Variants in GPC5 observed in about 807,000 individuals in gnomAD.
GPC5 encodes the protein glypican-5.
Under a neutral mutation model 53.9 loss-of-function variants are expected in GPC5, and 47 were observed. The observed-to-expected ratio is 0.87, with a 90% CI of 0.69 to 1.11. The LOEUF is 1.11. Among genes scored for constraint, GPC5 ranks in the 50% most tolerant of loss-of-function variants. GPC5 has a pLI of 0.00. For missense variants in GPC5, 748 were observed against 713.1 expected (o/e 1.05, Z -0.56); for synonymous variants, 286 against 263.3 (o/e 1.09, Z -0.84).
chr13:92,189,766 A>G (rs1434536174), intron 7 of GPC5, among the ~76,000 whole-genome samples: 1 of 152,204 alleles, frequency 6.6e-6, no homozygotes. Flanking sequence ...AGAGAGGTAG[A>G]AATTCCAGGA....
intron 7 of GPC5, among the ~76,000 whole-genome samples, chr13:92,716,348 G>A (rs1003894859): frequency 1.3e-5 from 2 of 151,882 alleles, no homozygotes; most frequent in Non-Finnish European, 2.9e-5. Context: ...TAATTTTGCT[G>A]TCTGAATATC....
chr13:92,382,349 C>A (rs919708711), intron 7 of GPC5, among the ~76,000 whole-genome samples: 1 of 151,958 alleles, frequency 6.6e-6, no homozygotes, highest in African/African-American at 2.4e-5. Context: ...CACCTGTACC[C>A]CCAATAACTT....
At chr13:92,610,361 A>G (rs1430657520) in intron 7 of GPC5, among the ~76,000 whole-genome samples, 1 of 152,188 alleles carries the variant, frequency 6.6e-6, no homozygotes, top group East Asian at 1.9e-4. Flanking sequence ...TCCTAATGAC[A>G]TATTGATAAT....
chr13:91,706,301 A>C (rs992524431), intron 3 of GPC5, among the ~76,000 whole-genome samples: 1 of 152,064 alleles, frequency 6.6e-6, no homozygotes, highest in African/African-American at 2.4e-5. Flanking sequence ...TTTTTGCCCC[A>C]TAGAGTTATA....
chr13:91,426,553 C>T (rs1021256582), intron 1 of GPC5, among the ~76,000 whole-genome samples: 2 of 152,170 alleles, frequency 1.3e-5, no homozygotes, highest in Non-Finnish European at 2.9e-5. Context: ...AACAGTGCAG[C>T]CTTCAGTCTG....
intron 6 of GPC5, among the ~76,000 whole-genome samples, chr13:92,042,812 A>C (rs1594740527): frequency 1.3e-5 from 2 of 149,196 alleles, no homozygotes; most frequent in Middle Eastern, 3.4e-3. Flanking sequence ...GCTAATTATG[A>C]ATATGTTCAA....
chr13:91,972,127 T>A (rs2040248725), intron 6 of GPC5, among the ~76,000 whole-genome samples: 2 of 152,196 alleles, frequency 1.3e-5, no homozygotes, highest in African/African-American at 4.8e-5. Context: ...CACTAAGGAC[T>A]TGCTTTATGA....
intron 7 of GPC5, among the ~76,000 whole-genome samples, chr13:92,434,827 A>G (rs1877236511): frequency 6.6e-6 from 1 of 152,170 alleles, no homozygotes; most frequent in Admixed American, 6.6e-5. Context: ...AGAGGAACCT[A>G]TCGTATTATC....
intron 7 of GPC5, among the ~76,000 whole-genome samples, chr13:92,773,334 G>C (rs1332316472): frequency 1.3e-5 from 2 of 152,098 alleles, no homozygotes; most frequent in Admixed American, 1.3e-4. Flanking sequence ...TGAGAAATGA[G>C]TATGTATTAC....
At chr13:91,656,373 G>T (rs2034845478) in intron 2 of GPC5, among the ~76,000 whole-genome samples, 1 of 152,142 alleles carries the variant, frequency 6.6e-6, no homozygotes, top group Non-Finnish European at 1.5e-5. Context: ...TATCCATCAT[G>T]AGAATGGAAA....
chr13:92,410,029 T>C (rs1875972298), intron 7 of GPC5, among the ~76,000 whole-genome samples: 1 of 152,252 alleles, frequency 6.6e-6, no homozygotes, highest in Non-Finnish European at 1.5e-5. Context: ...CCCAGTTATC[T>C]TGATATATTT....
At chr13:91,557,157 A>G in intron 2 of GPC5, among the ~76,000 whole-genome samples, 1 of 151,960 alleles carries the variant, frequency 6.6e-6, no homozygotes, top group East Asian at 1.9e-4. Context: ...TGCACCATTT[A>G]CCTTCTTGCC....
chr13:92,431,394 T>TC (rs1456377838), intron 7 of GPC5, among the ~76,000 whole-genome samples: 116 of 151,274 alleles, frequency 7.7e-4, no homozygotes, highest in Admixed American at 3.5e-3. Context: ...ACACAGCTTT[T>TC]TTTTTTTTTT....
At chr13:91,953,315 G>A (rs1324340178) in intron 6 of GPC5, among the ~76,000 whole-genome samples, 3 of 152,116 alleles carry the variant, frequency 2.0e-5, no homozygotes, top group African/African-American at 7.2e-5. Context: ...TTGCTTCTTG[G>A]TAAGCCTGAG....
intron 7 of GPC5, among the ~76,000 whole-genome samples, chr13:92,308,023 T>C (rs1244161264): frequency 6.6e-6 from 1 of 152,196 alleles, no homozygotes; most frequent in African/African-American, 2.4e-5. Context: ...TCTTATTGAA[T>C]TAAACATGCT....
intron 7 of GPC5, among the ~76,000 whole-genome samples, chr13:92,610,865 C>T (rs574116877): frequency 6.6e-6 from 1 of 151,768 alleles, no homozygotes; most frequent in East Asian, 1.9e-4. Flanking sequence ...ATTACCTCCA[C>T]CTGGTCTCTC....
intron 4 of GPC5, among the ~76,000 whole-genome samples, chr13:91,754,503 A>T (rs937102539): frequency 1.3e-5 from 2 of 152,126 alleles, no homozygotes; most frequent in Non-Finnish European, 2.9e-5. Flanking sequence ...GTCCATAAAA[A>T]TATTTACAAT....
intron 6 of GPC5, among the ~76,000 whole-genome samples, chr13:92,083,053 C>T (rs922417029): frequency 2.0e-5 from 3 of 152,108 alleles, no homozygotes; most frequent in Non-Finnish European, 2.9e-5. Context: ...GTTCACATCA[C>T]GGAGATGCTT....
intron 7 of GPC5, among the ~76,000 whole-genome samples, chr13:92,227,322 C>T (rs1278386369): frequency 6.6e-6 from 1 of 152,102 alleles, no homozygotes; most frequent in Admixed American, 6.6e-5. Flanking sequence ...AACAGCCACC[C>T]AATGTGGCCA....
Sources: gnomAD v4.1 joint callset for allele counts (sites outside exome capture counted in the v4.1 genomes callset) on GRCh38, gnomAD v4.1.1 for gene constraint, MANE v1.5 for transcripts, NCBI Gene and HGNC (gene_info 2026-07-23, HGNC 2026-07-21) for gene names.